Variants in LPIN2 observed in about 807,000 individuals in gnomAD.
LPIN2 encodes lipin 2.
In LPIN2, 55 loss-of-function variants were observed where a neutral mutation model predicts 111.4. The observed-to-expected ratio is 0.49, with a 90% CI of 0.40 to 0.62. The LOEUF (loss-of-function observed/expected upper bound fraction) is 0.62, where lower values mean the gene tolerates loss of function less well. LPIN2 is among the 20% of genes least tolerant of loss of function. LPIN2 has a pLI of 0.00. For missense variants in LPIN2, 992 were observed against 1,112.1 expected, an observed-to-expected ratio of 0.89 and a Z score of 1.54; for synonymous variants, 425 against 414.0, an observed-to-expected ratio of 1.03 and a Z score of -0.32.
rs754603570 is a variant in LPIN2 at position 2,920,344 on chromosome 18, G to A, written c.2640C>T (p.Phe880=). The A allele has an allele frequency of 5.0e-6, 8 of 1,614,100 alleles. No homozygotes were observed. Among genetic ancestry groups the A allele is most frequent in the Non-Finnish European group, 5.9e-6 (7 of 1,179,966 alleles). The change falls in exon 20 of 20, where the codon TTC becomes TTT. Residue 880 remains phenylalanine, a synonymous_variant. Transcript: ENST00000677752. ...CAGGGATCGGGTCTCGCCAGTAGCA[G>A]AAGGAGCTGAACTCCGGGCAGGGAA... ...SAFPCPEFSS[F]CYWRDPIPEV... is the part of the protein sequence containing the mutation.
intron 1 of LPIN2, among the ~76,000 whole-genome samples, chr18:2,995,944 T>C (rs575318656): frequency 6.6e-6 from 1 of 152,362 alleles, no homozygotes; most frequent in South Asian, 2.1e-4. Flanking sequence ...ACAGTCACAT[T>C]TTTTAAGCAG....
intron 9 of LPIN2, among the ~76,000 whole-genome samples, chr18:2,929,417 C>CAA (rs201649931): frequency 6.6e-6 from 1 of 151,608 alleles, no homozygotes; most frequent in Admixed American, 6.6e-5. Flanking sequence ...CAGAGACTTT[C>CAA]AAAAAAAATA....
chr18:2,950,746 A>G (rs7244259), intron 4 of LPIN2: 14,948 of 408,594 alleles, frequency 0.037, 1,899 homozygotes, highest in African/African-American at 0.27. Flanking sequence ...ATGGTGTCCA[A>G]CTGGATCTGC....
At chr18:2,940,177 C>G (rs1257658366) in intron 5 of LPIN2, among the ~76,000 whole-genome samples, 1 of 151,966 alleles carries the variant, frequency 6.6e-6, no homozygotes, top group Non-Finnish European at 1.5e-5. Flanking sequence ...AAATTTAAAA[C>G]TTAGCTGAGC....
intron 1 of LPIN2, among the ~76,000 whole-genome samples, chr18:3,011,228 C>T (rs907632422): frequency 6.6e-6 from 1 of 152,184 alleles, no homozygotes; most frequent in Admixed American, 6.5e-5. Context: ...CTTAACAGTG[C>T]TTTACTATAG....
At chr18:2,940,201 C>A (rs937561410) in intron 5 of LPIN2, among the ~76,000 whole-genome samples, 1 of 152,194 alleles carries the variant, frequency 6.6e-6, no homozygotes, top group Non-Finnish European at 1.5e-5. Context: ...GTGGTGCGTG[C>A]CTGTAGTCCC....
Position 2,954,482 on chromosome 18 carries a change from GGTGTA to G in LPIN2, c.288+17_288+21del. Reference sequence around the variant, plus strand: ...AGGCCTGAGCACACTGTGTAAGGAGGGTGTAACCCATGCAAACTTACATATTCTTC... The same window carrying G: ...AGGCCTGAGCACACTGTGTAAGGAGGACCCATGCAAACTTACATATTCTTC... On this transcript the variant is annotated intron_variant, in intron 3 of 19. Coordinates refer to ENST00000677752, the MANE Select transcript of LPIN2 (RefSeq NM_001375808.2). 1.9e-6 allele frequency: 3 copies of G among 1,556,472 alleles called. No individual in the cohort carries two copies. The highest frequency in any genetic ancestry group is 2.7e-6 in the Non-Finnish European group (3 of 1,127,628).
chr18:3,007,272 T>C (rs1025694030), intron 1 of LPIN2, among the ~76,000 whole-genome samples: 5 of 152,212 alleles, frequency 3.3e-5, no homozygotes, highest in Admixed American at 2.6e-4. Context: ...CCCAGGTTCA[T>C]GCCATTCCCC....
chr18:2,951,559 G>A (rs917763879), intron 3 of LPIN2, among the ~76,000 whole-genome samples: 2 of 152,126 alleles, frequency 1.3e-5, no homozygotes, highest in African/African-American at 4.8e-5. Flanking sequence ...CTAAGTACCA[G>A]CCCACTTGGG....
At chr18:2,996,233 G>C (rs1407081294) in intron 1 of LPIN2, among the ~76,000 whole-genome samples, 1 of 151,136 alleles carries the variant, frequency 6.6e-6, no homozygotes, top group South Asian at 2.1e-4. Context: ...CCAGCTACTC[G>C]GGAGGCTGAG....
chr18:2,966,288 CTTAAGT>C (rs569490479), intron 1 of LPIN2, among the ~76,000 whole-genome samples: 180 of 152,272 alleles, frequency 1.2e-3, no homozygotes, highest in African/African-American at 4.0e-3. Flanking sequence ...AAATCTGTTT[CTTAAGT>C]TTATCTCCAA....
At chr18:2,941,046 C>A (rs530743115) in intron 4 of LPIN2, among the ~76,000 whole-genome samples, 1 of 152,244 alleles carries the variant, frequency 6.6e-6, no homozygotes, top group East Asian at 1.9e-4. Flanking sequence ...GGTAATATTT[C>A]ATTGTAGATT....
At chr18:2,963,956 A>C (rs2077749805) in intron 1 of LPIN2, among the ~76,000 whole-genome samples, 1 of 151,830 alleles carries the variant, frequency 6.6e-6, no homozygotes, top group Admixed American at 6.6e-5. Flanking sequence ...TTATCTCAGA[A>C]CTACTTTAGA....
intron 1 of LPIN2, among the ~76,000 whole-genome samples, chr18:2,962,058 T>G (rs2077721837): frequency 6.6e-6 from 1 of 152,222 alleles, no homozygotes; most frequent in South Asian, 2.1e-4. Context: ...GAATGCTGTC[T>G]TCTTGGGAAA....
rs570129440 is a variant in LPIN2, at chr18:3,012,800, G to A, written c.-10+287C>T. 4.6e-5 allele frequency among the ~76,000 whole-genome samples: 7 copies of A among 151,894 alleles called. No individual in the cohort carries two copies. In the South Asian group the frequency reaches 1.4e-3, roughly 31 times the overall value. On this transcript the variant is annotated intron_variant, in intron 1 of 19. Coordinates refer to ENST00000677752, the MANE Select transcript of LPIN2 (RefSeq NM_001375808.2). ...AGAGTCCTCAGCAGCCACCACTGAC[G>A]CCCCGACGCCCCCGGCTCCCCGCGC...
At chr18:2,987,209 G>A (rs941073240) in intron 1 of LPIN2, among the ~76,000 whole-genome samples, 3 of 152,100 alleles carry the variant, frequency 2.0e-5, no homozygotes, top group Admixed American at 1.3e-4. Flanking sequence ...AAAGTGTAGT[G>A]CTTTAATCTT....
At chr18:2,966,661 T>C (rs941493222) in intron 1 of LPIN2, among the ~76,000 whole-genome samples, 1 of 152,208 alleles carries the variant, frequency 6.6e-6, no homozygotes, top group African/African-American at 2.4e-5. Flanking sequence ...AATCTGAGTA[T>C]CATTTTTACT....
chr18:3,000,478 T>C (rs139644799), intron 1 of LPIN2, among the ~76,000 whole-genome samples: 1 of 152,310 alleles, frequency 6.6e-6, no homozygotes, highest in East Asian at 1.9e-4. Flanking sequence ...ATGCTAATAA[T>C]AGACAACGTT....
chr18:2,993,449 T>C (rs1165581671), intron 1 of LPIN2, among the ~76,000 whole-genome samples: 1 of 152,214 alleles, frequency 6.6e-6, no homozygotes, highest in African/African-American at 2.4e-5. Context: ...AAAAAGTGAA[T>C]TTCTAGATAA....
Sources: gnomAD v4.1 joint callset for allele counts (sites outside exome capture counted in the v4.1 genomes callset) on GRCh38, gnomAD v4.1.1 for gene constraint, MANE v1.5 for transcripts, NCBI Gene and HGNC (gene_info 2026-07-23, HGNC 2026-07-21) for gene names.